The following AHCYL2 variants were observed in gnomAD, a reference collection of about 807,000 sequenced individuals.
AHCYL2 encodes adenosylhomocysteinase like 2.
AHCYL2 carries 28 observed loss-of-function variants against 81.4 expected under a neutral mutation model. The ratio of observed to expected loss-of-function variants is 0.34; its 90% CI spans 0.25 to 0.47. The LOEUF (loss-of-function observed/expected upper bound fraction) is 0.47, where lower values mean the gene tolerates loss of function less well. AHCYL2 is among the 20% of genes least tolerant of loss of function. AHCYL2 has a pLI of 1.00. For missense variants in AHCYL2, 551 were observed against 785.1 expected (o/e 0.70, Z 3.56); for synonymous variants, 272 against 290.2 (o/e 0.94, Z 0.64).
At chr7:129,277,272 C>T (rs1318829816) in intron 1 of AHCYL2, among the ~76,000 whole-genome samples, 1 of 143,034 alleles carries the variant, frequency 7.0e-6, no homozygotes, top group African/African-American at 2.6e-5. Flanking sequence ...CCTCTAAAGT[C>T]TCTCTCTTTT....
intron 1 of AHCYL2, among the ~76,000 whole-genome samples, chr7:129,343,201 A>C (rs529088105): frequency 6.1e-4 from 93 of 152,296 alleles, no homozygotes; most frequent in Non-Finnish European, 1.0e-3. Context: ...CTTGGTATTC[A>C]ATATTCCTGT....
At chr7:129,277,069 A>G (rs1370807117) in intron 1 of AHCYL2, among the ~76,000 whole-genome samples, 1 of 152,212 alleles carries the variant, frequency 6.6e-6, no homozygotes, top group Non-Finnish European at 1.5e-5. Context: ...ATCATTAAAT[A>G]TTTTGAATTA....
Position 129,365,628 on chromosome 7 carries a change from G to GTATATATATA in AHCYL2, c.364-14002_364-13993dup, listed in dbSNP as rs10526470. On this transcript the variant is annotated intron_variant, in intron 1 of 16. Transcript: ENST00000325006. Reference sequence around the variant, plus strand: ...TAATACAGTTTACCTGGAGGATAGAGTATATATATATATATATGGGTATGA... The same window carrying GTATATATATA: ...TAATACAGTTTACCTGGAGGATAGAGTATATATATATATATATATATATATATGGGTATGA... Among the ~76,000 whole-genome samples, 56 of 124,344 alleles carry GTATATATATA rather than the reference G, an allele frequency of 4.5e-4. 6 individuals carry two copies. The highest frequency in any genetic ancestry group is 2.3e-3 in the East Asian group (9 of 3,954). 81.6% of individuals were successfully genotyped at this position (124,344 alleles called of 152,430 possible). A position where few individuals can be genotyped will look rare whatever the true frequency, so the allele number is the denominator to read the frequency against.
intron 13 of AHCYL2, among the ~76,000 whole-genome samples, chr7:129,424,366 C>A (rs535457272): frequency 1.3e-5 from 2 of 152,242 alleles, no homozygotes; most frequent in African/African-American, 4.8e-5. Context: ...TGCCATGGAA[C>A]TCCAGCCTGG....
chr7:129,282,531 C>T (rs1584740669), intron 1 of AHCYL2, among the ~76,000 whole-genome samples: 2 of 152,048 alleles, frequency 1.3e-5, no homozygotes, highest in South Asian at 4.1e-4. Flanking sequence ...AGACATTATT[C>T]TTTTTATCTG....
At chr7:129,280,879 T>TG (rs1178730576) in intron 1 of AHCYL2, among the ~76,000 whole-genome samples, 36 of 151,922 alleles carry the variant, frequency 2.4e-4, no homozygotes, top group African/African-American at 8.2e-4. Context: ...TTTTTTTTTT[T>TG]TTTGAGACAG....
intron 4 of AHCYL2, among the ~76,000 whole-genome samples, chr7:129,394,166 G>T (rs2150913935): frequency 6.6e-6 from 1 of 151,936 alleles, no homozygotes; most frequent in South Asian, 2.1e-4. Flanking sequence ...ATACCACTAT[G>T]CCTGGCTAAT....
chr7:129,405,308 C>A, intron 8 of AHCYL2, 95 bp downstream of exon 8: 1 of 737,034 alleles, frequency 1.4e-6, no homozygotes, highest in Non-Finnish European at 2.1e-6. Flanking sequence ...TCATGTAGCA[C>A]CTCTGGATAA....
intron 1 of AHCYL2, among the ~76,000 whole-genome samples, chr7:129,270,947 A>G (rs1011654078): frequency 2.0e-5 from 3 of 152,208 alleles, no homozygotes; most frequent in Non-Finnish European, 4.4e-5. Context: ...AAATTAACAT[A>G]TAAAGTAGTC....
intron 1 of AHCYL2, among the ~76,000 whole-genome samples, chr7:129,245,845 G>A (rs1341045863): frequency 6.6e-6 from 1 of 152,092 alleles, no homozygotes; most frequent in African/African-American, 2.4e-5. Flanking sequence ...TCAATACTTT[G>A]AGTTCTGTTG....
intron 11 of AHCYL2, among the ~76,000 whole-genome samples, chr7:129,413,300 C>G (rs1359556644): frequency 2.6e-5 from 4 of 152,090 alleles, no homozygotes; most frequent in Admixed American, 2.6e-4. Flanking sequence ...CGCCACCACA[C>G]CCAGCTAATT....
intron 1 of AHCYL2, among the ~76,000 whole-genome samples, chr7:129,240,197 A>T (rs535711425): frequency 3.0e-4 from 46 of 151,998 alleles, no homozygotes; most frequent in Non-Finnish European, 6.5e-4. Context: ...CCTGGGCAAC[A>T]TGAGCAAAAA....
chr7:129,362,168 A>G (rs756719393), intron 1 of AHCYL2, among the ~76,000 whole-genome samples: 13 of 151,962 alleles, frequency 8.6e-5, no homozygotes, highest in Non-Finnish European at 1.5e-4. Context: ...ATCCTGATTT[A>G]CAGACAAAGA....
At chr7:129,242,344 T>TA (rs1014980449) in intron 1 of AHCYL2, among the ~76,000 whole-genome samples, 5 of 151,572 alleles carry the variant, frequency 3.3e-5, no homozygotes, top group Non-Finnish European at 4.4e-5. Flanking sequence ...TTTTTTTTTT[T>TA]AACTGAAATG....
At chr7:129,304,946 G>A (rs747230910) in intron 1 of AHCYL2, among the ~76,000 whole-genome samples, 2 of 145,380 alleles carry the variant, frequency 1.4e-5, no homozygotes, top group African/African-American at 5.2e-5. Flanking sequence ...TTTTTTTTTT[G>A]GTCTTCTCTT....
chr7:129,349,488 A>AAAAC (rs1554484828), intron 1 of AHCYL2, among the ~76,000 whole-genome samples: 2 of 145,192 alleles, frequency 1.4e-5, no homozygotes, highest in Admixed American at 1.4e-4. Context: ...AAAAAAAAAA[A>AAAAC]CCCACAAAAA....
intron 1 of AHCYL2, among the ~76,000 whole-genome samples, chr7:129,314,354 T>C (rs1211429895): frequency 6.6e-6 from 1 of 152,256 alleles, no homozygotes; most frequent in African/African-American, 2.4e-5. Flanking sequence ...CACCAGATTG[T>C]AAACTCATTG....
In AHCYL2 at chr7:129,341,016, C is replaced by A. The variant is rs111740841; in HGVS notation, c.364-38622C>A. On this transcript the variant is annotated intron_variant, in intron 1 of 16. Transcript: ENST00000325006. ...GTCTGGTTTTGGAATCAAGGTTATG[C>A]TGGTTTGATCAAAAGTTGGCTGGGG... 6.1e-3 allele frequency among the ~76,000 whole-genome samples: 925 copies of A among 152,226 alleles called. 12 individuals are homozygous for A. The highest frequency in any genetic ancestry group is 0.021 in the African/African-American group (891 of 41,542).
intron 1 of AHCYL2, among the ~76,000 whole-genome samples, chr7:129,272,411 A>T (rs747627494): frequency 6.6e-6 from 1 of 152,206 alleles, no homozygotes; most frequent in Non-Finnish European, 1.5e-5. Flanking sequence ...GTTTTATGCC[A>T]CTAAGCTTTA....
Sources: gnomAD v4.1 joint callset for allele counts (sites outside exome capture counted in the v4.1 genomes callset) on GRCh38, gnomAD v4.1.1 for gene constraint, MANE v1.5 for transcripts, NCBI Gene and HGNC (gene_info 2026-07-23, HGNC 2026-07-21) for gene names.